The following CEP350 variants were observed in gnomAD, a reference collection of about 807,000 sequenced individuals.
CEP350 encodes the protein centrosomal protein 350, also known as centrosome-associated protein 350.
A neutral mutation model predicts 331.8 loss-of-function variants in CEP350; 126 were observed. The observed-to-expected ratio is 0.38, with a 90% CI of 0.33 to 0.44. The LOEUF (loss-of-function observed/expected upper bound fraction) is 0.44. Ranked by LOEUF, CEP350 falls within the 20% of genes least tolerant of loss-of-function variation. CEP350 has a pLI of 1.00. For synonymous variants in CEP350, 1,200 were observed against 1,259.5 expected (o/e 0.95, Z 1.00); for missense variants, 3,406 against 3,634.6 (o/e 0.94, Z 1.62).
chr1:179,992,368 C>A, intron 5 of CEP350, 147 bp downstream of exon 5: 1 of 590,798 alleles, frequency 1.7e-6, no homozygotes, highest in Non-Finnish European at 2.5e-6. Flanking sequence ...TCATTCTCCA[C>A]AAAAGATGGC....
chr1:180,070,161 A>C (rs1426435138), intron 27 of CEP350, among the ~76,000 whole-genome samples: 4 of 152,224 alleles, frequency 2.6e-5, no homozygotes, highest in Non-Finnish European at 5.9e-5. Flanking sequence ...ATTCCAATGG[A>C]GAAACAAATG....
chr1:180,086,123 A>G (rs1207123430), intron 31 of CEP350, among the ~76,000 whole-genome samples: 2 of 152,216 alleles, frequency 1.3e-5, no homozygotes, highest in Non-Finnish European at 2.9e-5. Context: ...GAGAAAATAA[A>G]CATTTAAACA....
At position 180,022,824 on chromosome 1, in the gene CEP350, A is replaced by G; in HGVS notation, c.3362A>G (p.Glu1121Gly). 6.3e-7 allele frequency: 1 copy of G among 1,588,166 alleles called. No homozygotes were observed. Among genetic ancestry groups the G allele is most frequent in the Non-Finnish European group, 8.6e-7 (1 of 1,165,768 alleles). The change falls in exon 13 of 38, where the codon GAA becomes GGA. Residue 1121 changes from glutamate to glycine, a missense_variant. Around this residue, in one of 5 missense-constraint regions of CEP350, gnomAD observed 1,857 missense variants for 1,909.2 expected, o/e 0.97. Transcript: ENST00000367607. ...TCTCCAGGGACTGGGACTTCGACAG[A>G]AAAAAAATCAACTCTTGAACCTCAG... ...VSSPGTGTST[E>G]KKSTLEPHST...
At chr1:180,006,354 C>A in intron 7 of CEP350, 100 bp from the exon 8 acceptor site, 1 of 656,864 alleles carries the variant, frequency 1.5e-6, no homozygotes, top group Non-Finnish European at 2.7e-6. Flanking sequence ...TTTCTCCCTA[C>A]CTGCAGCATA....
At chr1:180,073,968 G>T in intron 27 of CEP350, 1 of 1,269,678 alleles carries the variant, frequency 7.9e-7, no homozygotes, top group Non-Finnish European at 1.0e-6. Context: ...CTTTTTGTTT[G>T]TTTTGTTTGC....
intron 12 of CEP350, 31 bp downstream of exon 12, chr1:180,021,040 T>A: frequency 7.0e-7 from 1 of 1,437,348 alleles, no homozygotes; most frequent in Non-Finnish European, 9.2e-7. Flanking sequence ...TTGTACTGTT[T>A]GTATATTAAG....
rs1473374855 is a variant in CEP350 at position 180,114,090 on chromosome 1, T to C, written c.*2929T>C. 1 of 152,650 alleles carries C rather than the reference T, an allele frequency of 6.6e-6. No homozygotes were observed. The highest frequency in any genetic ancestry group is 1.5e-5 in the Non-Finnish European group (1 of 68,038). 9.5% of individuals were successfully genotyped at this position (152,650 alleles called of 1,614,324 possible). A position where few individuals can be genotyped will look rare whatever the true frequency, so the allele number is the denominator to read the frequency against. On this transcript the variant is annotated 3_prime_UTR_variant, in exon 38 of 38. Transcript: ENST00000367607. ...ACCTAAAAGAAAAGAAAATTCCTTCTGTGACTACAGGTCTCTGAGAAATTA... is the reference window on the plus strand; with the variant it reads ...ACCTAAAAGAAAAGAAAATTCCTTCCGTGACTACAGGTCTCTGAGAAATTA...
rs1409994650 is a variant in CEP350, at chr1:179,955,135, A to G, written c.-21A>G. Reference sequence around the variant, plus strand: ...CGTGGTAGCCGAGGGCGGAGGCGACACTCTCAGGTGAGCTCCTGTAGGACC... The same window carrying G: ...CGTGGTAGCCGAGGGCGGAGGCGACGCTCTCAGGTGAGCTCCTGTAGGACC... On this transcript the variant is annotated 5_prime_UTR_variant, in exon 1 of 38. Coordinates refer to ENST00000367607, the MANE Select transcript of CEP350 (RefSeq NM_014810.5). The G allele has an allele frequency of 1.4e-6, 2 of 1,462,428 alleles. No individual in the cohort carries two copies. Among genetic ancestry groups the G allele is most frequent in the East Asian group, 3.0e-5 (1 of 32,924 alleles). The allele number at this position is 1,462,428 out of a possible 1,614,324, so 90.6% of individuals were successfully genotyped here. A position where few individuals can be genotyped will look rare whatever the true frequency, so the allele number is the denominator to read the frequency against.
chr1:180,063,921 A>G (rs1379544490), intron 26 of CEP350, among the ~76,000 whole-genome samples: 1 of 152,238 alleles, frequency 6.6e-6, no homozygotes, highest in Non-Finnish European at 1.5e-5. Context: ...AAATTTTGAA[A>G]AAATCTCAAA....
rs532121269 is a variant in CEP350, at chr1:180,082,725, A to G, written c.6125-1293A>G. 3.3e-5 allele frequency among the ~76,000 whole-genome samples: 5 copies of G among 152,326 alleles called. No homozygotes were observed. In the South Asian group the frequency reaches 1.0e-3, roughly 32 times the overall value. On this transcript the variant is annotated intron_variant, in intron 30 of 37. Coordinates refer to ENST00000367607, the MANE Select transcript of CEP350 (RefSeq NM_014810.5). Reference sequence around the variant, plus strand: ...TTAAATCTTCAACCATAGATGGTAAATATATTTTTTATTGAAAATCACTGC... The same window carrying G: ...TTAAATCTTCAACCATAGATGGTAAGTATATTTTTTATTGAAAATCACTGC...
At chr1:180,021,924 A>G (rs1016925282) in intron 12 of CEP350, among the ~76,000 whole-genome samples, 1 of 151,984 alleles carries the variant, frequency 6.6e-6, no homozygotes, top group African/African-American at 2.4e-5. Flanking sequence ...TCTATGATAG[A>G]CTCAATTCCT....
chr1:180,036,985 C>G lies in CEP350; in HGVS notation c.4006C>G (p.Leu1336Val). 1 of 1,596,502 alleles carries G rather than the reference C, an allele frequency of 6.3e-7. No homozygotes were observed. The highest frequency in any genetic ancestry group is 1.1e-5 in the South Asian group (1 of 87,316). ...HHRMAAELSY[L>V]NAIEESVRQL... ...TCGTATGGCAGCAGAACTCAGTTAT[C>G]TGAACGCCATTGAGGAGTCGGTGCG... Residue 1336 changes from leucine to valine, a missense_variant, in exon 17 of 38, where the codon CTG becomes GTG. Leu to Val is a conservative substitution (Grantham distance 32). Around this residue, in one of 5 missense-constraint regions of CEP350, gnomAD observed 1,857 missense variants for 1,909.2 expected, o/e 0.97. Transcript: ENST00000367607.
Position 180,031,468 on chromosome 1 carries a change from G to A in CEP350, c.3699G>A (p.Leu1233=). The change falls in exon 15 of 38, where the codon TTG becomes TTA. Residue 1233 remains leucine, a synonymous_variant. Transcript: ENST00000367607. ...FEQTLDTDST[L]EDLSGHSVSV... is the part of the protein sequence containing the mutation. ...AGACTCTTGATACAGATAGCACTTT[G>A]GAGGATCTTTCTGGACATTCTGTGA... is the stretch of plus-strand genomic sequence containing the variant. The A allele has an allele frequency of 6.5e-7, 1 of 1,532,522 alleles. No individual in the cohort carries two copies. Among genetic ancestry groups the A allele is most frequent in the Non-Finnish European group, 8.8e-7 (1 of 1,137,628 alleles). The allele number at this position is 1,532,522 out of a possible 1,614,324, so 94.9% of individuals were successfully genotyped here.
rs1654825263 is a variant in CEP350, at chr1:180,014,114, A to G, written c.1661A>G (p.Gln554Arg). Residue 554 changes from glutamine (Q) to arginine (R), a missense_variant, in exon 10 of 38, where the codon CAG becomes CGG. Coordinates refer to ENST00000367607, the MANE Select transcript of CEP350 (RefSeq NM_014810.5). ...CAAGATACTGTAGAGTTACAGAACC[A>G]GAAGTCATCAGCACCAGTACATGCT... ...AKQDTVELQN[Q>R]KSSAPVHAPR... The G allele has an allele frequency of 1.2e-6, 2 of 1,610,906 alleles. No individual in the cohort carries two copies. The highest frequency in any genetic ancestry group is 1.7e-6 in the Non-Finnish European group (2 of 1,178,484).
chr1:180,102,920 A>T (rs542358637), intron 37 of CEP350, among the ~76,000 whole-genome samples: 33 of 152,354 alleles, frequency 2.2e-4, no homozygotes, highest in African/African-American at 7.9e-4. Context: ...TGAGAAAATT[A>T]ACGACACAGA....
chr1:180,087,444 G>C, intron 31 of CEP350, 134 bp from the exon 32 acceptor site: 1 of 717,214 alleles, frequency 1.4e-6, no homozygotes, highest in Non-Finnish European at 2.1e-6. Context: ...GATGCTGAGG[G>C]GGGCAGGGAG....
At chr1:180,019,031 T>G (rs1221119600) in intron 11 of CEP350, among the ~76,000 whole-genome samples, 1 of 152,036 alleles carries the variant, frequency 6.6e-6, no homozygotes, top group African/African-American at 2.4e-5. Flanking sequence ...AATTTTTTGG[T>G]ATTTGTAGTA....
Position 180,065,177 on chromosome 1 carries a change from G to A in CEP350, c.5472G>A (p.Leu1824=). The change falls in exon 27 of 38, where the codon TTG becomes TTA. Residue 1824 remains leucine, a synonymous_variant. Transcript: ENST00000367607. ...NKATSPGPTD[L]ETRSPSPISI... is the part of the protein sequence containing the mutation. Reference sequence around the variant, plus strand: ...CAACCAGTCCTGGTCCAACTGACTTGGAGACCCGCAGTCCTTCTCCCATTT... The same window carrying A: ...CAACCAGTCCTGGTCCAACTGACTTAGAGACCCGCAGTCCTTCTCCCATTT... The A allele has an allele frequency of 1.2e-6, 2 of 1,613,630 alleles. No individual in the cohort carries two copies. Among genetic ancestry groups the A allele is most frequent in the Non-Finnish European group, 1.7e-6 (2 of 1,179,738 alleles).
chr1:180,092,144 G>A (rs9425861), intron 33 of CEP350, among the ~76,000 whole-genome samples: 86,509 of 152,022 alleles, frequency 0.57, 26,440 homozygotes, highest in East Asian at 0.72. Flanking sequence ...CTCTTAAAGT[G>A]CTATATTTGC....
Sources: allele counts gnomAD v4.1 joint callset (sites outside exome capture counted in the v4.1 genomes callset), GRCh38; gene constraint gnomAD v4.1.1; regional missense constraint gnomAD v4.1.1; transcripts MANE v1.5; gene names NCBI Gene and HGNC (gene_info 2026-07-23, HGNC 2026-07-21).